Variants in ANKRD31 observed in about 807,000 individuals in gnomAD.
ANKRD31 encodes ankyrin repeat domain-containing protein 31.
In ANKRD31, 147 loss-of-function variants were observed where a neutral mutation model predicts 186.0. The observed-to-expected ratio is 0.79, with a 90% CI of 0.69 to 0.91. ANKRD31 has a LOEUF of 0.91. Ranked by LOEUF, ANKRD31 falls within the 40% of genes least tolerant of loss-of-function variation. The probability of loss-of-function intolerance (pLI) is 0.00; values close to 1 mark genes in which losing one functional copy is unlikely to be tolerated. For missense variants in ANKRD31, 1,986 were observed against 2,148.8 expected (o/e 0.92, Z 1.50); for synonymous variants, 673 against 736.4 (o/e 0.91, Z 1.39).
chr5:75,216,119 C>T (rs1164919956), intron 3 of ANKRD31, among the ~76,000 whole-genome samples: 1 of 152,162 alleles, frequency 6.6e-6, no homozygotes, highest in Non-Finnish European at 1.5e-5. Flanking sequence ...CAATACTTCA[C>T]TTATCCTTCT....
chr5:75,192,671 T>G lies in ANKRD31; in HGVS notation c.1404A>C (p.Lys468Asn). 1.3e-6 allele frequency: 2 copies of G among 1,526,320 alleles called. No individual in the cohort carries two copies. Among genetic ancestry groups the G allele is most frequent in the Non-Finnish European group, 1.8e-6 (2 of 1,139,630 alleles). 94.5% of individuals were successfully genotyped at this position (1,526,320 alleles called of 1,614,324 possible). Residue 468 changes from lysine to asparagine, a missense_variant, in exon 9 of 26, where the codon AAA (lysine) becomes AAC (asparagine). Physicochemically the swap from Lys to Asn is moderately conservative, Grantham distance 94. Coordinates refer to ENST00000506364, the MANE Select transcript of ANKRD31 (RefSeq NM_001372053.1). Reference sequence around the variant, plus strand: ...AATACTCAAAATATGCATCACCTTTTTTTCCTGAAAATTGTTCATTTTTCC... The same window carrying G: ...AATACTCAAAATATGCATCACCTTTGTTTCCTGAAAATTGTTCATTTTTCC... ...QIRKNEQFSG[K>N]KEKMKVNKIS...
intron 10 of ANKRD31, among the ~76,000 whole-genome samples, chr5:75,181,398 G>T (rs546394556): frequency 1.8e-4 from 28 of 152,188 alleles, no homozygotes; most frequent in African/African-American, 6.5e-4. Flanking sequence ...TATACCCAAA[G>T]GATTATAAAT....
chr5:75,188,770 T>C, intron 9 of ANKRD31, 122 bp from the exon 10 acceptor site: 1 of 790,596 alleles, frequency 1.3e-6, no homozygotes, highest in South Asian at 2.0e-5. Flanking sequence ...ATTAACTCAG[T>C]CAATAGTGTA....
At chr5:75,106,919 T>C (rs1244427990) in intron 21 of ANKRD31, among the ~76,000 whole-genome samples, 1 of 151,870 alleles carries the variant, frequency 6.6e-6, no homozygotes, top group Non-Finnish European at 1.5e-5. Context: ...GAGAAGAATA[T>C]ATAAGGACAT....
rs142871114 is a variant in ANKRD31, at chr5:75,136,015, T to C, written c.3876+1841A>G. Among the ~76,000 whole-genome samples, 369 of 152,254 alleles carry C rather than the reference T, an allele frequency of 2.4e-3. 8 individuals are homozygous for C. The East Asian group carries it at 0.062, about 25-fold the overall frequency. The stretch of plus-strand genomic sequence containing the variant: ...TCCTTACACCTTATACAAAAATTAA[T>C]TCAAGATGGATTAAAGACTTAAATG... On this transcript the variant is annotated intron_variant, in intron 17 of 25. Coordinates refer to ENST00000506364, the MANE Select transcript of ANKRD31 (RefSeq NM_001372053.1).
intron 12 of ANKRD31, among the ~76,000 whole-genome samples, chr5:75,153,815 A>G (rs1751992010): frequency 6.6e-6 from 1 of 152,100 alleles, no homozygotes; most frequent in African/African-American, 2.4e-5. Context: ...ATGAGAGGGA[A>G]AAAGTATAGC....
rs1194882499 is a variant in ANKRD31 at position 75,169,059 on chromosome 5, T to C, written c.1627A>G (p.Lys543Glu). ...TTGATATTTACATCTGCTCCACCTT[T>C]TAATAGTTCACTTGCTGTCCGATAA... ...GFYRTASELL[K>E]GGADVNIKGL... The change falls in exon 11 of 26, where the codon AAA (lysine) becomes GAA (glutamate). Residue 543 changes from lysine to glutamate, a missense_variant. Transcript: ENST00000506364. The C allele has an allele frequency of 6.5e-7, 1 of 1,537,010 alleles. No homozygotes were observed. The highest frequency in any genetic ancestry group is 1.2e-5 in the South Asian group (1 of 84,038).
chr5:75,158,288 A>C (rs180810989), intron 11 of ANKRD31, among the ~76,000 whole-genome samples: 2 of 152,320 alleles, frequency 1.3e-5, no homozygotes, highest in East Asian at 3.9e-4. Flanking sequence ...TGACCACTAA[A>C]TGGTCTTGAA....
intron 5 of ANKRD31, 50 bp from the exon 6 acceptor site, chr5:75,199,724 A>G: frequency 1.4e-6 from 2 of 1,430,906 alleles, no homozygotes; most frequent in Non-Finnish European, 1.9e-6. Flanking sequence ...AGCACTAAAA[A>G]CATACCTTCT....
At chr5:75,099,290 C>G (rs1432941376) in intron 22 of ANKRD31, among the ~76,000 whole-genome samples, 1 of 152,150 alleles carries the variant, frequency 6.6e-6, no homozygotes, top group Non-Finnish European at 1.5e-5. Context: ...CCCACTTGAT[C>G]ATGGTGGATA....
chr5:75,218,681 T>C (rs565236015), intron 3 of ANKRD31, among the ~76,000 whole-genome samples: 8 of 152,158 alleles, frequency 5.3e-5, no homozygotes, highest in Admixed American at 1.3e-4. Flanking sequence ...GATGAATATA[T>C]ATGCTCATCA....
At chr5:75,100,432 A>G (rs1746747940) in intron 22 of ANKRD31, among the ~76,000 whole-genome samples, 1 of 152,160 alleles carries the variant, frequency 6.6e-6, no homozygotes, top group Non-Finnish European at 1.5e-5. Flanking sequence ...GTAGATGCCT[A>G]TTAGGTCTGC....
At chr5:75,162,020 T>C (rs902805951) in intron 11 of ANKRD31, among the ~76,000 whole-genome samples, 2 of 152,192 alleles carry the variant, frequency 1.3e-5, no homozygotes, top group Admixed American at 1.3e-4. Context: ...TGAAGGGAAA[T>C]GTGGGCTTGG....
rs955677400 is a variant in ANKRD31 at position 75,146,793 on chromosome 5, T to C, written c.2618A>G (p.Asn873Ser). 4.3e-5 allele frequency: 66 copies of C among 1,536,094 alleles called. No homozygotes were observed. Among genetic ancestry groups the C allele is most frequent in the Non-Finnish European group, 5.6e-5 (64 of 1,146,262 alleles). ...QHHVLYKSHE[N>S]SNLVPKDERF... ...CTCATCTTTTGGGACCAAGTTACTG[T>C]TTTCATGAGATTTATAAAGTACATG... The change falls in exon 14 of 26, where the codon AAC becomes AGC. Residue 873 changes from asparagine (N) to serine (S), a missense_variant. Physicochemically the swap from Asn to Ser is conservative, Grantham distance 46 (BLOSUM62 1). Transcript: ENST00000506364.
chr5:75,087,303 G>T (rs1745571361), intron 23 of ANKRD31, among the ~76,000 whole-genome samples: 2 of 152,044 alleles, frequency 1.3e-5, no homozygotes, highest in African/African-American at 4.8e-5. Context: ...CCTGAGGTCA[G>T]GAGTTTGAGC....
intron 2 of ANKRD31, among the ~76,000 whole-genome samples, chr5:75,222,943 C>T (rs1483134149): frequency 6.6e-6 from 1 of 152,152 alleles, no homozygotes; most frequent in Non-Finnish European, 1.5e-5. Context: ...ACTTATAATC[C>T]TTTGGGTTTA....
chr5:75,072,833 C>G (rs967439463), intron 25 of ANKRD31, among the ~76,000 whole-genome samples: 3 of 152,122 alleles, frequency 2.0e-5, no homozygotes, highest in African/African-American at 7.2e-5. Context: ...ACAAAACTTC[C>G]AATACATGAG....
intron 10 of ANKRD31, among the ~76,000 whole-genome samples, chr5:75,179,204 T>A (rs1754073399): frequency 1.3e-5 from 2 of 152,146 alleles, no homozygotes; most frequent in African/African-American, 2.4e-5. Flanking sequence ...AATCTCTGAA[T>A]AGACCAATAA....
At chr5:75,193,821 A>C (rs779904393) in intron 7 of ANKRD31, among the ~76,000 whole-genome samples, 26 of 152,202 alleles carry the variant, frequency 1.7e-4, no homozygotes, top group Admixed American at 6.5e-5. Context: ...AATGATTTTG[A>C]TCAATATTTA....
Sources: allele counts gnomAD v4.1 joint callset (sites outside exome capture counted in the v4.1 genomes callset), GRCh38; gene constraint gnomAD v4.1.1; transcripts MANE v1.5; gene names NCBI Gene and HGNC (gene_info 2026-07-23, HGNC 2026-07-21).